CNTNAP2: variants seen among roughly 807,000 people sequenced by gnomAD.
CNTNAP2 encodes contactin associated protein 2, also known as contactin-associated protein-like 2.
Under a neutral mutation model 155.2 loss-of-function variants are expected in CNTNAP2, and 98 were observed. That is an observed-to-expected ratio of 0.63 (90% CI 0.54 to 0.75). The LOEUF is 0.75. Among genes scored for constraint, CNTNAP2 ranks in the 30% least tolerant of loss-of-function variants. The pLI, the probability that CNTNAP2 is intolerant of heterozygous loss-of-function variation, is 0.00. For synonymous variants in CNTNAP2, 651 were observed against 631.2 expected (o/e 1.03, Z -0.47); for missense variants, 1,727 against 1,688.1 (o/e 1.02, Z -0.40).
intron 8 of CNTNAP2, among the ~76,000 whole-genome samples, chr7:147,158,294 G>A (rs996704170): frequency 2.6e-5 from 4 of 152,032 alleles, no homozygotes; most frequent in African/African-American, 9.7e-5. Context: ...TGCTAATGGA[G>A]TAAGTTTCCA....
intron 21 of CNTNAP2, among the ~76,000 whole-genome samples, chr7:148,301,292 TAA>T (rs1191956788): frequency 1.7e-5 from 2 of 118,748 alleles, no homozygotes; most frequent in African/African-American, 3.5e-5. Flanking sequence ...AGACTCCGTC[TAA>T]AAAAAAAAAA....
At chr7:148,305,163 C>T (rs1241236143) in intron 21 of CNTNAP2, among the ~76,000 whole-genome samples, 1 of 138,446 alleles carries the variant, frequency 7.2e-6, no homozygotes, top group Non-Finnish European at 1.5e-5. Flanking sequence ...TTGGAGACTG[C>T]AGCGAGCTAT....
chr7:146,868,811 C>T (rs1795252881), intron 3 of CNTNAP2, among the ~76,000 whole-genome samples: 1 of 152,078 alleles, frequency 6.6e-6, no homozygotes. Context: ...ATTTGCCTGT[C>T]TGCTTAGCTG....
intron 13 of CNTNAP2, among the ~76,000 whole-genome samples, chr7:147,772,446 C>CTATATATA (rs58027241): frequency 0.028 from 1,791 of 63,466 alleles, 33 homozygotes; most frequent in East Asian, 0.035. Flanking sequence ...CTCTCTCTCG[C>CTATATATA]TATATATATA....
At chr7:147,227,922 T>G (rs1294743328) in intron 8 of CNTNAP2, among the ~76,000 whole-genome samples, 4 of 151,898 alleles carry the variant, frequency 2.6e-5, no homozygotes, top group Non-Finnish European at 5.9e-5. Context: ...AAAGAAAAGG[T>G]GGAAAGTCTG....
intron 8 of CNTNAP2, among the ~76,000 whole-genome samples, chr7:147,205,338 T>C (rs1271277983): frequency 6.6e-6 from 1 of 152,152 alleles, no homozygotes. Context: ...GCTTTGGCTA[T>C]TCTGGGTATT....
chr7:146,894,520 A>G (rs1376708617), intron 3 of CNTNAP2, among the ~76,000 whole-genome samples: 1 of 152,084 alleles, frequency 6.6e-6, no homozygotes, highest in African/African-American at 2.4e-5. Context: ...AATCTTTTGT[A>G]CATGAATTCC....
chr7:146,218,520 CAAAAACAA>C (rs1427775703), intron 1 of CNTNAP2, among the ~76,000 whole-genome samples: 4 of 95,038 alleles, frequency 4.2e-5, no homozygotes, highest in East Asian at 5.5e-4. Context: ...AAAACAAAAA[CAAAAACAA>C]AAACAAACAA....
At chr7:146,132,511 C>T (rs1340003616) in intron 1 of CNTNAP2, among the ~76,000 whole-genome samples, 2 of 151,402 alleles carry the variant, frequency 1.3e-5, no homozygotes, top group African/African-American at 4.9e-5. Flanking sequence ...GTGCACTGCA[C>T]CAACTAACTC....
intron 13 of CNTNAP2, among the ~76,000 whole-genome samples, chr7:147,666,497 A>G (rs1795699405): frequency 6.6e-6 from 1 of 152,326 alleles, no homozygotes; most frequent in African/African-American, 2.4e-5. Context: ...GATAATGAAA[A>G]TCAACTATGT....
intron 1 of CNTNAP2, among the ~76,000 whole-genome samples, chr7:146,751,046 A>G (rs1264981242): frequency 1.3e-5 from 2 of 152,212 alleles, no homozygotes; most frequent in Non-Finnish European, 2.9e-5. Flanking sequence ...AAGTAAATCC[A>G]ACAATAATTT....
intron 1 of CNTNAP2, among the ~76,000 whole-genome samples, chr7:146,729,082 G>A (rs891666967): frequency 6.6e-6 from 1 of 152,106 alleles, no homozygotes; most frequent in Non-Finnish European, 1.5e-5. Context: ...GCTGATCCAC[G>A]CGGAGCTCAG....
intron 3 of CNTNAP2, among the ~76,000 whole-genome samples, chr7:146,958,477 A>C (rs1281347522): frequency 2.8e-5 from 4 of 141,116 alleles, no homozygotes; most frequent in Non-Finnish European, 4.5e-5. Flanking sequence ...GCAGTGGCAC[A>C]ATCTCAGCTC....
At chr7:147,014,999 A>G (rs1053823218) in intron 3 of CNTNAP2, among the ~76,000 whole-genome samples, 36 of 152,310 alleles carry the variant, frequency 2.4e-4, no homozygotes, top group Middle Eastern at 3.4e-3. Flanking sequence ...AGTTATTTGT[A>G]AACGCTAAGG....
At chr7:147,450,806 A>G (rs898839702) in intron 10 of CNTNAP2, among the ~76,000 whole-genome samples, 1 of 152,130 alleles carries the variant, frequency 6.6e-6, no homozygotes, top group African/African-American at 2.4e-5. Context: ...CTCCTCTAAT[A>G]CTTTGTTGCA....
At chr7:147,091,230 C>A (rs1194617982) in intron 4 of CNTNAP2, among the ~76,000 whole-genome samples, 1 of 152,090 alleles carries the variant, frequency 6.6e-6, no homozygotes, top group African/African-American at 2.4e-5. Context: ...AAGCCTAGAT[C>A]CTGATCTCTG....
At chr7:148,236,229 T>G (rs909922514) in intron 20 of CNTNAP2, among the ~76,000 whole-genome samples, 1 of 152,012 alleles carries the variant, frequency 6.6e-6, no homozygotes, top group African/African-American at 2.4e-5. Flanking sequence ...CGCCCATGCC[T>G]CTCTCTCTCA....
chr7:147,864,802 C>G (rs1433144542), intron 13 of CNTNAP2, among the ~76,000 whole-genome samples: 1 of 152,142 alleles, frequency 6.6e-6, no homozygotes, highest in Non-Finnish European at 1.5e-5. Flanking sequence ...GCTGAAGTTG[C>G]TTATCAGCTT....
At chr7:147,067,074 C>T (rs1312907972) in intron 4 of CNTNAP2, among the ~76,000 whole-genome samples, 10 of 152,080 alleles carry the variant, frequency 6.6e-5, no homozygotes, top group South Asian at 2.1e-4. Context: ...GGGTGGATCA[C>T]GAGGTCAAGA....
Sources: allele counts gnomAD v4.1 joint callset (sites outside exome capture counted in the v4.1 genomes callset), GRCh38; gene constraint gnomAD v4.1.1; transcripts MANE v1.5; gene names NCBI Gene and HGNC (gene_info 2026-07-23, HGNC 2026-07-21).